The following CCDC192 variants were observed in gnomAD, a reference collection of about 807,000 sequenced individuals.
CCDC192 encodes the protein coiled-coil domain containing 192.
chr5:127,758,103 A>G (rs900110421), intron 3 of CCDC192, among the ~76,000 whole-genome samples: 1 of 152,044 alleles, frequency 6.6e-6, no homozygotes, highest in African/African-American at 2.4e-5. Context: ...GAAAAGGGTT[A>G]ATCTCACTGT....
At chr5:127,709,793 G>C (rs1282786366) in intron 2 of CCDC192, among the ~76,000 whole-genome samples, 1 of 152,154 alleles carries the variant, frequency 6.6e-6, no homozygotes, top group African/African-American at 2.4e-5. Context: ...TTATGATACT[G>C]TTGCCCAAAG....
chr5:127,831,649 A>C (rs1365230162), intron 5 of CCDC192, among the ~76,000 whole-genome samples: 1 of 152,210 alleles, frequency 6.6e-6, no homozygotes, highest in African/African-American at 2.4e-5. Context: ...CAAAATGAAT[A>C]CATAAAGGTA....
chr5:127,907,816 A>C (rs1026124791), intron 6 of CCDC192, among the ~76,000 whole-genome samples: 5 of 152,260 alleles, frequency 3.3e-5, no homozygotes, highest in Admixed American at 6.5e-5. Context: ...AACAAAACCT[A>C]CAAAAATCTT....
chr5:127,765,922 G>A (rs1755197740), intron 3 of CCDC192, among the ~76,000 whole-genome samples: 1 of 152,126 alleles, frequency 6.6e-6, no homozygotes, highest in Non-Finnish European at 1.5e-5. Flanking sequence ...CTGATCCCCA[G>A]TATTTGTGCG....
chr5:127,805,424 G>A (rs1311008773), intron 5 of CCDC192, among the ~76,000 whole-genome samples: 3 of 152,206 alleles, frequency 2.0e-5, no homozygotes, highest in African/African-American at 7.2e-5. Flanking sequence ...TCACTTCTAA[G>A]TCAGTATTTT....
intron 6 of CCDC192, among the ~76,000 whole-genome samples, chr5:127,884,259 C>T (rs1417983385): frequency 2.8e-5 from 4 of 143,436 alleles, no homozygotes; most frequent in Non-Finnish European, 4.5e-5. Flanking sequence ...AGAAGAATGG[C>T]GTGAACCCGG....
intron 2 of CCDC192, among the ~76,000 whole-genome samples, chr5:127,730,299 T>TATA (rs1752570732): frequency 6.6e-6 from 1 of 152,194 alleles, no homozygotes; most frequent in South Asian, 2.1e-4. Context: ...CCTGGACATA[T>TATA]ATATCCTCCC....
intron 2 of CCDC192, among the ~76,000 whole-genome samples, chr5:127,738,115 A>G (rs992340414): frequency 1.3e-5 from 2 of 151,580 alleles, no homozygotes; most frequent in Admixed American, 6.6e-5. Context: ...AGCTCTTGTA[A>G]GGCAGGCCTG....
At chr5:127,769,239 G>T (rs1649382523) in intron 3 of CCDC192, among the ~76,000 whole-genome samples, 1 of 152,204 alleles carries the variant, frequency 6.6e-6, no homozygotes, top group Non-Finnish European at 1.5e-5. Context: ...GTGAGAAAAA[G>T]AGAAGTCTTT....
intron 6 of CCDC192, among the ~76,000 whole-genome samples, chr5:127,926,461 G>A (rs532136126): frequency 1.3e-5 from 2 of 152,284 alleles, no homozygotes; most frequent in Admixed American, 6.5e-5. Flanking sequence ...AACGTATTTT[G>A]TGAAAGAGAA....
chr5:127,727,198 G>A (rs1752377780), intron 2 of CCDC192, among the ~76,000 whole-genome samples: 1 of 152,202 alleles, frequency 6.6e-6, no homozygotes, highest in Non-Finnish European at 1.5e-5. Context: ...CAGGCTGGGA[G>A]TGGTGGCTCA....
At chr5:127,760,023 A>G (rs1754822672) in intron 3 of CCDC192, among the ~76,000 whole-genome samples, 1 of 152,192 alleles carries the variant, frequency 6.6e-6, no homozygotes. Context: ...AGTAAGGACT[A>G]TGTAGTAAGA....
At chr5:127,781,231 G>C (rs934050364) in intron 3 of CCDC192, among the ~76,000 whole-genome samples, 1 of 151,956 alleles carries the variant, frequency 6.6e-6, no homozygotes, top group African/African-American at 2.4e-5. Context: ...TGGTGACTAT[G>C]GCCTTATAGT....
intron 2 of CCDC192, among the ~76,000 whole-genome samples, chr5:127,723,488 A>G (rs1752142032): frequency 6.6e-6 from 1 of 152,186 alleles, no homozygotes; most frequent in Non-Finnish European, 1.5e-5. Context: ...GAGTTCTAGT[A>G]CTATGTTGAA....
At chr5:127,821,315 AG>A (rs1172105783) in intron 5 of CCDC192, among the ~76,000 whole-genome samples, 11 of 152,230 alleles carry the variant, frequency 7.2e-5, no homozygotes, top group Admixed American at 1.3e-4. Context: ...CCACTGACAG[AG>A]GTTATGTTGT....
chr5:127,816,633 T>C (rs1749038863), intron 5 of CCDC192, among the ~76,000 whole-genome samples: 1 of 152,184 alleles, frequency 6.6e-6, no homozygotes, highest in Non-Finnish European at 1.5e-5. Context: ...ACTGGAAGCC[T>C]CCACTAGAAC....
At chr5:127,743,828 C>T (rs193086346) in intron 2 of CCDC192, among the ~76,000 whole-genome samples, 256 of 152,210 alleles carry the variant, frequency 1.7e-3, no homozygotes, top group African/African-American at 5.1e-3. Flanking sequence ...CGGTGGCTCA[C>T]GCCTGTAATC....
intron 6 of CCDC192, among the ~76,000 whole-genome samples, chr5:127,922,634 A>G (rs940397417): frequency 5.3e-5 from 8 of 152,320 alleles, no homozygotes; most frequent in Admixed American, 2.6e-4. Flanking sequence ...CCAGCTACCC[A>G]GGAGGCTGAA....
intron 3 of CCDC192, among the ~76,000 whole-genome samples, chr5:127,765,091 G>A (rs1166835416): frequency 6.6e-6 from 1 of 152,188 alleles, no homozygotes; most frequent in Non-Finnish European, 1.5e-5. Context: ...ATTTTGTCCA[G>A]CAGGTCCCTT....
Sources: gnomAD v4.1 joint callset for allele counts (sites outside exome capture counted in the v4.1 genomes callset) on GRCh38, gnomAD v4.1.1 for gene constraint, MANE v1.5 for transcripts, NCBI Gene and HGNC (gene_info 2026-07-23, HGNC 2026-07-21) for gene names.